KLF12: variants seen among roughly 807,000 people sequenced by gnomAD.
KLF12 encodes the protein Krueppel-like factor 12.
In KLF12, 9 loss-of-function variants were observed where a neutral mutation model predicts 37.8. The ratio of observed to expected loss-of-function variants is 0.24; its 90% CI spans 0.14 to 0.42. The LOEUF (loss-of-function observed/expected upper bound fraction) is 0.42, where lower values mean the gene tolerates loss of function less well. Ranked by LOEUF, KLF12 falls within the 10% of genes least tolerant of loss-of-function variation. The pLI, the probability that KLF12 is intolerant of heterozygous loss-of-function variation, is 1.00. For synonymous variants in KLF12, 208 were observed against 202.1 expected, an observed-to-expected ratio of 1.03 and a Z score of -0.25; for missense variants, 411 against 516.0, an observed-to-expected ratio of 0.80 and a Z score of 1.97.
chr13:74,195,766 T>A, the KLF12 span, among the ~76,000 whole-genome samples: 1 of 152,120 alleles, frequency 6.6e-6, no homozygotes. Context: ...GCCTAGCTAA[T>A]TTTTGTGTTT....
intron 4 of KLF12, among the ~76,000 whole-genome samples, chr13:73,841,724 A>T (rs1884744620): frequency 1.3e-5 from 2 of 152,178 alleles, no homozygotes; most frequent in Admixed American, 6.5e-5. Flanking sequence ...TCCGTTGACA[A>T]AAACCGCAAT....
At chr13:74,167,479 A>G in the KLF12 span, among the ~76,000 whole-genome samples, 1 of 152,238 alleles carries the variant, frequency 6.6e-6, no homozygotes. Context: ...AAATATTTTT[A>G]AAAATCTACT....
At chr13:74,174,882 A>G in the KLF12 span, among the ~76,000 whole-genome samples, 1,191 of 152,348 alleles carry the variant, frequency 7.8e-3, 6 homozygotes, top group Middle Eastern at 0.017. Flanking sequence ...TGAATTTACT[A>G]AAAGGATATT....
Position 73,692,762 on chromosome 13 carries a change from C to G in KLF12, c.*2728G>C, listed in dbSNP as rs1358186047. 1 of 152,640 alleles carries G rather than the reference C, an allele frequency of 6.6e-6. No individual in the cohort carries two copies. Among genetic ancestry groups the G allele is most frequent in the African/African-American group, 2.4e-5 (1 of 41,448 alleles). 9.5% of individuals were successfully genotyped at this position (152,640 alleles called of 1,614,324 possible). A position where few individuals can be genotyped will look rare whatever the true frequency, so the allele number is the denominator to read the frequency against. Reference sequence around the variant, plus strand: ...TCAGTTCCTGAGGCTAGACCAGGGACTCAATTCACTTAATTGTGCTTAGAT... The same window carrying G: ...TCAGTTCCTGAGGCTAGACCAGGGAGTCAATTCACTTAATTGTGCTTAGAT... On this transcript the variant is annotated 3_prime_UTR_variant, in exon 8 of 8. Coordinates refer to ENST00000377669, the MANE Select transcript of KLF12 (RefSeq NM_007249.5).
At chr13:73,768,348 A>G (rs1020145623) in intron 5 of KLF12, among the ~76,000 whole-genome samples, 21 of 152,214 alleles carry the variant, frequency 1.4e-4, no homozygotes, top group Admixed American at 4.6e-4. Context: ...ACATGAAAGG[A>G]TGGGAAGTCA....
chr13:74,081,556 C>T (rs901718346), intron 1 of KLF12, among the ~76,000 whole-genome samples: 3 of 152,078 alleles, frequency 2.0e-5, no homozygotes, highest in Non-Finnish European at 4.4e-5. Context: ...TGTTATTTAT[C>T]AACTTAACCA....
At chr13:73,743,542 T>TA (rs1475470852) in intron 6 of KLF12, among the ~76,000 whole-genome samples, 1 of 152,146 alleles carries the variant, frequency 6.6e-6, no homozygotes, top group Non-Finnish European at 1.5e-5. Flanking sequence ...TACTAGAAAT[T>TA]AAGGCAGGGT....
At chr13:73,907,741 G>T (rs771104801) in intron 3 of KLF12, among the ~76,000 whole-genome samples, 2 of 152,090 alleles carry the variant, frequency 1.3e-5, no homozygotes, top group Non-Finnish European at 2.9e-5. Context: ...TACTTCACTG[G>T]TCTTTCGACA....
chr13:74,177,937 A>T, the KLF12 span, among the ~76,000 whole-genome samples: 1 of 152,236 alleles, frequency 6.6e-6, no homozygotes, highest in Admixed American at 6.5e-5. Flanking sequence ...TAAATGCAAT[A>T]CACTTGAGCA....
chr13:73,903,362 G>C (rs947857226), intron 3 of KLF12, among the ~76,000 whole-genome samples: 1 of 152,008 alleles, frequency 6.6e-6, no homozygotes, highest in African/African-American at 2.4e-5. Context: ...AACACATAAG[G>C]CTGTAAGTAA....
chr13:74,104,109 T>C (rs1411932844), intron 1 of KLF12, among the ~76,000 whole-genome samples: 1 of 152,224 alleles, frequency 6.6e-6, no homozygotes, highest in Non-Finnish European at 1.5e-5. Context: ...TAGAGAAGCA[T>C]GTACAGATTA....
intron 3 of KLF12, among the ~76,000 whole-genome samples, chr13:73,903,925 T>G (rs967571093): frequency 2.0e-5 from 3 of 152,200 alleles, no homozygotes; most frequent in African/African-American, 7.2e-5. Context: ...TGAAACCATC[T>G]TCCACTCCCA....
chr13:73,792,602 G>T (rs999143071), intron 5 of KLF12, among the ~76,000 whole-genome samples: 6 of 152,086 alleles, frequency 3.9e-5, no homozygotes, highest in African/African-American at 1.2e-4. Context: ...GGGAATAAGG[G>T]AAGCTTCTGA....
intron 6 of KLF12, among the ~76,000 whole-genome samples, chr13:73,752,770 G>C (rs1878868042): frequency 6.9e-6 from 1 of 144,466 alleles, no homozygotes; most frequent in Non-Finnish European, 1.5e-5. Flanking sequence ...CTGTCACCCA[G>C]GTGTGGCACG....
chr13:74,016,661 C>A (rs1370168257), intron 1 of KLF12, among the ~76,000 whole-genome samples: 2 of 152,210 alleles, frequency 1.3e-5, no homozygotes, highest in African/African-American at 4.8e-5. Flanking sequence ...CCATGCCCTG[C>A]CTCTCATGTA....
At chr13:74,029,665 A>G (rs555822421) in intron 1 of KLF12, among the ~76,000 whole-genome samples, 47 of 152,166 alleles carry the variant, frequency 3.1e-4, no homozygotes, top group Admixed American at 5.2e-4. Context: ...GCATTTCTCA[A>G]CAAGTCTCAT....
upstream of KLF12, among the ~76,000 whole-genome samples, chr13:74,135,533 G>A (rs1023519093): frequency 6.6e-6 from 1 of 151,342 alleles, no homozygotes; most frequent in Non-Finnish European, 1.5e-5. Context: ...CTCGGAGGGC[G>A]CGGGGTCAGC....
the KLF12 span, among the ~76,000 whole-genome samples, chr13:74,268,925 G>T: frequency 6.6e-6 from 1 of 152,158 alleles, no homozygotes; most frequent in African/African-American, 2.4e-5. Context: ...TGTCTGGGGT[G>T]ATTAATCCTG....
At chr13:73,851,751 T>C (rs1193853793) in intron 3 of KLF12, among the ~76,000 whole-genome samples, 2 of 152,144 alleles carry the variant, frequency 1.3e-5, no homozygotes, top group African/African-American at 2.4e-5. Context: ...ACATGTACCT[T>C]TTATAGGAAG....
Sources: gnomAD v4.1 joint callset for allele counts (sites outside exome capture counted in the v4.1 genomes callset) on GRCh38, gnomAD v4.1.1 for gene constraint, MANE v1.5 for transcripts, NCBI Gene and HGNC (gene_info 2026-07-23, HGNC 2026-07-21) for gene names.